The following PARL variants were observed in gnomAD, a reference collection of about 807,000 sequenced individuals.
PARL encodes presenilin-associated rhomboid-like protein, mitochondrial.
In PARL, 44 loss-of-function variants were observed where a neutral mutation model predicts 51.6. The observed-to-expected ratio is 0.85, with a 90% CI of 0.67 to 1.10. PARL has a LOEUF of 1.10. PARL is among the 50% of genes least tolerant of loss of function. PARL has a pLI of 0.00. For synonymous variants in PARL, 172 were observed against 164.0 expected, an observed-to-expected ratio of 1.05 and a Z score of -0.37; for missense variants, 441 against 469.5, an observed-to-expected ratio of 0.94 and a Z score of 0.56.
At position 183,835,784 on chromosome 3, in the gene PARL, A is replaced by G. The variant is rs2108590782; in HGVS notation, c.829-1959T>C. On this transcript the variant is annotated intron_variant, in intron 7 of 9. Coordinates refer to ENST00000317096, the MANE Select transcript of PARL (RefSeq NM_018622.7). Reference sequence around the variant, plus strand: ...CGGAAGGCTGAGGTTGTGGTGAGCCAAGATTGAGCCACTGTACTCCAGCCT... The same window carrying G: ...CGGAAGGCTGAGGTTGTGGTGAGCCGAGATTGAGCCACTGTACTCCAGCCT... Among the ~76,000 whole-genome samples, 3 of 152,212 alleles carry G rather than the reference A, an allele frequency of 2.0e-5. No individual in the cohort carries two copies. The South Asian group carries it at 6.2e-4, about 32-fold the overall frequency.
At chr3:183,875,983 G>A (rs1029251670) in intron 1 of PARL, among the ~76,000 whole-genome samples, 2 of 152,076 alleles carry the variant, frequency 1.3e-5, no homozygotes, top group Admixed American at 6.6e-5. Flanking sequence ...TCTACAAATC[G>A]AACAACAAAG....
intron 4 of PARL, among the ~76,000 whole-genome samples, chr3:183,852,498 G>C (rs73177525): frequency 0.28 from 41,810 of 151,978 alleles, 5,882 homozygotes; most frequent in East Asian, 0.53. Flanking sequence ...TGAGGGGAGG[G>C]GGTAATAGGG....
chr3:183,844,495 C>G, intron 4 of PARL, 169 bp from the exon 5 acceptor site: 1 of 607,224 alleles, frequency 1.6e-6, no homozygotes, highest in South Asian at 2.0e-5. Context: ...TTTAAAGTAT[C>G]AGCACTGCCT....
chr3:183,862,855 A>C, intron 3 of PARL, 54 bp from the exon 4 acceptor site: 1 of 1,429,778 alleles, frequency 7.0e-7, no homozygotes, highest in Non-Finnish European at 9.9e-7. Context: ...AGGCTACAAA[A>C]ATGAAAAACC....
At chr3:183,853,286 G>T (rs933639430) in intron 4 of PARL, among the ~76,000 whole-genome samples, 1 of 140,308 alleles carries the variant, frequency 7.1e-6, no homozygotes, top group African/African-American at 2.6e-5. Flanking sequence ...ACTCAGGCGG[G>T]TGCAAGTGGC....
intron 4 of PARL, chr3:183,846,388 G>A: frequency 3.8e-6 from 1 of 261,020 alleles, no homozygotes; most frequent in South Asian, 1.5e-4. Flanking sequence ...GGTTACTCAG[G>A]AGGCTGAGGC....
chr3:183,867,572 T>C (rs1176917574), intron 2 of PARL, among the ~76,000 whole-genome samples: 1 of 151,898 alleles, frequency 6.6e-6, no homozygotes, highest in Non-Finnish European at 1.5e-5. Flanking sequence ...TGGTGGCCAG[T>C]GCCTACAGTC....
At position 183,865,694 on chromosome 3, in the gene PARL, C is replaced by A. The variant is rs534676132; in HGVS notation, c.462+931G>T. 1.2e-4 allele frequency among the ~76,000 whole-genome samples: 18 copies of A among 152,252 alleles called. No individual in the cohort carries two copies. In the East Asian group the frequency reaches 2.7e-3, roughly 23 times the overall value. On this transcript the variant is annotated intron_variant, in intron 3 of 9. Coordinates refer to ENST00000317096, the MANE Select transcript of PARL (RefSeq NM_018622.7). ...CGACCTGTGGAAAAATTGTCTTGCACAAAACCAGTCCCTGGTACCAAAAAG... is the reference window on the plus strand; with the variant it reads ...CGACCTGTGGAAAAATTGTCTTGCAAAAAACCAGTCCCTGGTACCAAAAAG...
intron 4 of PARL, among the ~76,000 whole-genome samples, chr3:183,849,728 A>G (rs1343573559): frequency 6.6e-6 from 1 of 152,154 alleles, no homozygotes; most frequent in Non-Finnish European, 1.5e-5. Context: ...AAAATTGACA[A>G]ACTTTTAGCT....
intron 9 of PARL, among the ~76,000 whole-genome samples, chr3:183,830,321 G>A (rs1454970051): frequency 6.6e-6 from 1 of 152,224 alleles, no homozygotes; most frequent in Non-Finnish European, 1.5e-5. Flanking sequence ...AACTTCGCCT[G>A]CTCAGGTTCC....
intron 4 of PARL, among the ~76,000 whole-genome samples, chr3:183,859,982 A>G (rs1445202780): frequency 6.6e-6 from 1 of 152,148 alleles, no homozygotes; most frequent in Admixed American, 6.5e-5. Context: ...TACAAAGCAG[A>G]GAGGCACACT....
At chr3:183,868,945 A>T (rs894813534) in intron 1 of PARL, among the ~76,000 whole-genome samples, 4 of 152,222 alleles carry the variant, frequency 2.6e-5, no homozygotes, top group Non-Finnish European at 4.4e-5. Flanking sequence ...TTAAAAAAAA[A>T]TTTTGTTGTT....
intron 4 of PARL, among the ~76,000 whole-genome samples, chr3:183,847,332 G>A (rs974328771): frequency 1.3e-5 from 2 of 152,176 alleles, no homozygotes; most frequent in African/African-American, 2.4e-5. Flanking sequence ...GTCCAGGCAG[G>A]AGGATCCATC....
intron 4 of PARL, among the ~76,000 whole-genome samples, chr3:183,857,139 G>A (rs6443912): frequency 0.48 from 73,472 of 152,040 alleles, 18,049 homozygotes; most frequent in Middle Eastern, 0.57. Flanking sequence ...CAAGGCAGGA[G>A]GATCACTTGA....
At chr3:183,841,353 G>C (rs1468351906) in intron 6 of PARL, among the ~76,000 whole-genome samples, 1 of 152,092 alleles carries the variant, frequency 6.6e-6, no homozygotes, top group Non-Finnish European at 1.5e-5. Flanking sequence ...TTCTTTTTTT[G>C]AAGGACTAGA....
intron 4 of PARL, among the ~76,000 whole-genome samples, chr3:183,851,380 G>A (rs1427168161): frequency 6.6e-6 from 1 of 152,038 alleles, no homozygotes. Context: ...CACAGAATGG[G>A]AAAAATATTT....
At chr3:183,838,219 G>T (rs1025859258) in intron 7 of PARL, among the ~76,000 whole-genome samples, 2 of 151,914 alleles carry the variant, frequency 1.3e-5, no homozygotes, top group African/African-American at 4.8e-5. Flanking sequence ...TAGAGATGGG[G>T]TCTCACTTTG....
At chr3:183,858,588 A>C (rs1490937992) in intron 4 of PARL, among the ~76,000 whole-genome samples, 1 of 152,230 alleles carries the variant, frequency 6.6e-6, no homozygotes, top group Non-Finnish European at 1.5e-5. Context: ...TCAATACAGT[A>C]AAGTCAGCAT....
intron 6 of PARL, 106 bp from the exon 7 acceptor site, chr3:183,840,746 C>T (rs1268897692): frequency 1.1e-5 from 7 of 642,364 alleles, no homozygotes; most frequent in South Asian, 2.0e-5. Flanking sequence ...CACTCTTTCG[C>T]CCCGGCTGCT....
Sources: gnomAD v4.1 joint callset for allele counts (sites outside exome capture counted in the v4.1 genomes callset) on GRCh38, gnomAD v4.1.1 for gene constraint, MANE v1.5 for transcripts, NCBI Gene and HGNC (gene_info 2026-07-23, HGNC 2026-07-21) for gene names.